The following DNAH9 variants were observed in gnomAD, a reference collection of about 807,000 sequenced individuals.
DNAH9 encodes the protein DNAH9 variant protein.
DNAH9 carries 345 observed loss-of-function variants against 471.6 expected under a neutral mutation model. The ratio of observed to expected loss-of-function variants is 0.73; its 90% CI spans 0.67 to 0.80. The LOEUF (loss-of-function observed/expected upper bound fraction) is 0.80. Among genes scored for constraint, DNAH9 ranks in the 30% least tolerant of loss-of-function variants. The pLI is 0.00. For synonymous variants in DNAH9, 2,093 were observed against 2,123.6 expected (o/e 0.99, Z 0.40); for missense variants, 5,407 against 5,609.2 (o/e 0.96, Z 1.15).
intron 1 of DNAH9, among the ~76,000 whole-genome samples, chr17:11,603,738 T>A (rs2072436336): frequency 1.3e-5 from 2 of 152,238 alleles, no homozygotes; most frequent in African/African-American, 4.8e-5. Context: ...TGGTGTCTCA[T>A]TATTTTCCTG....
chr17:11,945,604 C>T (rs1390438367), intron 67 of DNAH9, among the ~76,000 whole-genome samples: 3 of 150,780 alleles, frequency 2.0e-5, no homozygotes, highest in African/African-American at 7.3e-5. Flanking sequence ...AATACACAGA[C>T]ATACAAAGTG....
intron 67 of DNAH9, among the ~76,000 whole-genome samples, chr17:11,943,418 C>T (rs1456973683): frequency 6.6e-6 from 1 of 152,048 alleles, no homozygotes; most frequent in Non-Finnish European, 1.5e-5. Context: ...GTGGCTCGTG[C>T]CTGTAATCCC....
At chr17:11,944,253 C>G (rs995382370) in intron 67 of DNAH9, among the ~76,000 whole-genome samples, 7 of 152,180 alleles carry the variant, frequency 4.6e-5, no homozygotes, top group African/African-American at 1.7e-4. Context: ...TGCAGAAGGA[C>G]AGTCTTGTGG....
At chr17:11,950,209 A>T (rs1402987102) in intron 67 of DNAH9, among the ~76,000 whole-genome samples, 1 of 152,198 alleles carries the variant, frequency 6.6e-6, no homozygotes, top group African/African-American at 2.4e-5. Context: ...TACTTTTCTT[A>T]TAACTGATGA....
At chr17:11,673,838 C>T (rs1370124228) in intron 17 of DNAH9, among the ~76,000 whole-genome samples, 1 of 151,982 alleles carries the variant, frequency 6.6e-6, no homozygotes, top group Non-Finnish European at 1.5e-5. Flanking sequence ...TTCTTCATCA[C>T]TTTGTGTATG....
At chr17:11,628,531 G>A (rs116684904) in intron 6 of DNAH9, among the ~76,000 whole-genome samples, 101 of 152,326 alleles carry the variant, frequency 6.6e-4, no homozygotes, top group African/African-American at 2.3e-3. Flanking sequence ...ACTACTCACC[G>A]CCACCTGGCT....
intron 56 of DNAH9, among the ~76,000 whole-genome samples, 187 bp downstream of exon 56, chr17:11,883,937 C>A (rs950644647): frequency 2.0e-5 from 3 of 152,198 alleles, no homozygotes; most frequent in African/African-American, 7.2e-5. Context: ...CCCCATATAT[C>A]TTGTATTATG....
At chr17:11,664,362 G>A (rs1014583547) in intron 14 of DNAH9, among the ~76,000 whole-genome samples, 6 of 152,158 alleles carry the variant, frequency 3.9e-5, no homozygotes, top group African/African-American at 1.2e-4. Context: ...AGGATTGAAT[G>A]CCAACTGCAA....
chr17:11,670,706 ATT>A (rs11320846), intron 17 of DNAH9, among the ~76,000 whole-genome samples: 25 of 145,822 alleles, frequency 1.7e-4, no homozygotes, highest in Middle Eastern at 3.5e-3. Context: ...CTTTGTGGGG[ATT>A]TTTTTTTTTT....
intron 59 of DNAH9, among the ~76,000 whole-genome samples, chr17:11,899,390 C>A (rs142066398): frequency 6.6e-6 from 1 of 152,066 alleles, no homozygotes; most frequent in Non-Finnish European, 1.5e-5. Flanking sequence ...ATCTCATCTG[C>A]GATGAAGGCC....
intron 49 of DNAH9, among the ~76,000 whole-genome samples, chr17:11,849,490 C>T (rs899179971): frequency 2.0e-5 from 3 of 152,334 alleles, no homozygotes; most frequent in African/African-American, 7.2e-5. Context: ...TCTCAGCCAT[C>T]CTCTCCACCA....
intron 44 of DNAH9, among the ~76,000 whole-genome samples, 197 bp from the exon 45 acceptor site, chr17:11,810,049 G>A (rs773576198): frequency 1.3e-5 from 2 of 152,016 alleles, no homozygotes; most frequent in Non-Finnish European, 2.9e-5. Context: ...CACCTTTATT[G>A]GCACCAAAGC....
At chr17:11,616,167 G>T (rs1354190966) in intron 4 of DNAH9, among the ~76,000 whole-genome samples, 2 of 152,168 alleles carry the variant, frequency 1.3e-5, no homozygotes, top group Non-Finnish European at 2.9e-5. Context: ...AGGGCCCTAG[G>T]AAAGTTATTC....
chr17:11,647,265 A>G (rs746106535), intron 12 of DNAH9, 67 bp downstream of exon 12: 8 of 1,481,346 alleles, frequency 5.4e-6, no homozygotes, highest in South Asian at 1.2e-5. Context: ...GCTGATTTCA[A>G]AAGCGTAAAG....
chr17:11,669,329 C>G (rs1263287366), intron 16 of DNAH9, 41 bp from the exon 17 acceptor site: 4 of 1,597,246 alleles, frequency 2.5e-6, no homozygotes, highest in Non-Finnish European at 3.4e-6. Context: ...CTTCCTGCCA[C>G]ACACTGGTGT....
At chr17:11,812,899 A>T (rs1969975741) in intron 45 of DNAH9, among the ~76,000 whole-genome samples, 1 of 152,090 alleles carries the variant, frequency 6.6e-6, no homozygotes, top group Non-Finnish European at 1.5e-5. Flanking sequence ...CTTCCCTCCT[A>T]CCCCAAAGCT....
chr17:11,969,510 T>C lies in DNAH9; in HGVS notation c.13444T>C (p.Leu4482=). 7 of 1,612,470 alleles carry C rather than the reference T, an allele frequency of 4.3e-6. No individual in the cohort carries two copies. In the South Asian group the frequency reaches 7.7e-5, roughly 18 times the overall value. ...CAAGTGGGTTCTGGCTGGAGTAGCC[T>C]TGCTTCTCCAGATTTAGCATCCTGC... ...PSKWVLAGVA[L]LLQI Residue 4482 remains leucine, a synonymous_variant, in exon 69 of 69, where the codon TTG becomes CTG. Coordinates refer to ENST00000262442, the MANE Select transcript of DNAH9 (RefSeq NM_001372.4).
chr17:11,916,168 T>C (rs988961911), intron 61 of DNAH9, among the ~76,000 whole-genome samples: 2 of 152,180 alleles, frequency 1.3e-5, no homozygotes, highest in African/African-American at 2.4e-5. Context: ...AGCTTTCATA[T>C]ACCCTGTTTA....
chr17:11,622,114 G>A (rs1283643775), intron 6 of DNAH9, among the ~76,000 whole-genome samples: 1 of 151,378 alleles, frequency 6.6e-6, no homozygotes, highest in Non-Finnish European at 1.5e-5. Flanking sequence ...AGATTGATGT[G>A]TTACTGGGAG....
Sources: allele counts gnomAD v4.1 joint callset (sites outside exome capture counted in the v4.1 genomes callset), GRCh38; gene constraint gnomAD v4.1.1; transcripts MANE v1.5; gene names NCBI Gene and HGNC (gene_info 2026-07-23, HGNC 2026-07-21).